METTL24: variants seen among roughly 807,000 people sequenced by gnomAD.
The protein encoded by METTL24 is probable methyltransferase-like protein 24.
METTL24 carries 29 observed loss-of-function variants against 32.7 expected under a neutral mutation model. The ratio of observed to expected loss-of-function variants is 0.89; its 90% CI spans 0.66 to 1.21. METTL24 has a LOEUF of 1.21. METTL24 is among the 50% of genes most tolerant of loss of function. The pLI, the probability that METTL24 is intolerant of heterozygous loss-of-function variation, is 0.00. For missense variants in METTL24, 439 were observed against 468.1 expected, an observed-to-expected ratio of 0.94 and a Z score of 0.57; for synonymous variants, 163 against 179.5, an observed-to-expected ratio of 0.91 and a Z score of 0.73.
chr6:110,340,095 G>A (rs1331880087), intron 1 of METTL24, among the ~76,000 whole-genome samples: 1 of 152,184 alleles, frequency 6.6e-6, no homozygotes, highest in Non-Finnish European at 1.5e-5. Context: ...AAATCAATAG[G>A]AGGGAGGAAC....
intron 1 of METTL24, among the ~76,000 whole-genome samples, chr6:110,352,848 C>G (rs1173408145): frequency 6.6e-6 from 1 of 152,212 alleles, no homozygotes; most frequent in Non-Finnish European, 1.5e-5. Context: ...CTACCCTTGA[C>G]AGTCTTTGGT....
In METTL24 at chr6:110,317,717, T is replaced by C. The variant is rs148694986; in HGVS notation, c.418-2236A>G. 2.2e-3 allele frequency among the ~76,000 whole-genome samples: 329 copies of C among 152,236 alleles called. 1 individual carries two copies. Among genetic ancestry groups the C allele is most frequent in the African/African-American group, 7.7e-3 (321 of 41,538 alleles). Reference sequence around the variant, plus strand: ...AGATGTGATGTTTGCAGGACCTTGCTCATCATTCCCTCCTAATGCCATCCA... The same window carrying C: ...AGATGTGATGTTTGCAGGACCTTGCCCATCATTCCCTCCTAATGCCATCCA... On this transcript the variant is annotated intron_variant, in intron 2 of 4. Coordinates refer to ENST00000338882, the MANE Select transcript of METTL24 (RefSeq NM_001123364.3).
intron 4 of METTL24, among the ~76,000 whole-genome samples, chr6:110,264,851 T>G (rs1302765287): frequency 1.3e-5 from 2 of 151,996 alleles, no homozygotes; most frequent in African/African-American, 4.8e-5. Context: ...AAGCCATCAT[T>G]CTCAGCAAAC....
chr6:110,323,333 A>G (rs575668360), intron 1 of METTL24, among the ~76,000 whole-genome samples: 117 of 152,242 alleles, frequency 7.7e-4, no homozygotes, highest in African/African-American at 2.7e-3. Flanking sequence ...TGTTCTGGGC[A>G]TTTGTTTATC....
At chr6:110,292,239 G>A (rs1273348291) in intron 4 of METTL24, among the ~76,000 whole-genome samples, 1 of 152,206 alleles carries the variant, frequency 6.6e-6, no homozygotes, top group Non-Finnish European at 1.5e-5. Context: ...TGTGGGATAT[G>A]ACTGGGGCAA....
At chr6:110,291,250 G>C (rs1219602414) in intron 4 of METTL24, among the ~76,000 whole-genome samples, 1 of 152,006 alleles carries the variant, frequency 6.6e-6, no homozygotes, top group African/African-American at 2.4e-5. Flanking sequence ...GAAATATACT[G>C]TCTAAAAAAT....
At chr6:110,260,662 G>A (rs1383192772) in intron 4 of METTL24, among the ~76,000 whole-genome samples, 5 of 152,230 alleles carry the variant, frequency 3.3e-5, no homozygotes, top group East Asian at 1.9e-4. Flanking sequence ...ACACATAATC[G>A]TCAGATTCAC....
intron 1 of METTL24, among the ~76,000 whole-genome samples, chr6:110,352,063 A>C (rs1359789481): frequency 2.0e-5 from 3 of 152,204 alleles, no homozygotes; most frequent in Non-Finnish European, 4.4e-5. Context: ...GTTCATAACC[A>C]AAAGAATGTT....
intron 1 of METTL24, among the ~76,000 whole-genome samples, chr6:110,353,544 GTTC>G (rs943251459): frequency 7.2e-6 from 1 of 138,014 alleles, no homozygotes; most frequent in African/African-American, 2.7e-5. Context: ...AGAGGAAACA[GTTC>G]TTTTTTTTTT....
intron 4 of METTL24, among the ~76,000 whole-genome samples, chr6:110,288,844 A>G (rs1296041867): frequency 1.3e-5 from 2 of 152,138 alleles, no homozygotes; most frequent in Non-Finnish European, 2.9e-5. Context: ...CCCCTGAGAG[A>G]GCAGCCAGAG....
At chr6:110,288,215 C>A (rs1771258247) in intron 4 of METTL24, among the ~76,000 whole-genome samples, 1 of 152,120 alleles carries the variant, frequency 6.6e-6, no homozygotes, top group African/African-American at 2.4e-5. Flanking sequence ...TGTTTCTCCT[C>A]TGGTCCTGTT....
In METTL24 at chr6:110,244,732, C is replaced by A. The variant is rs187736895; in HGVS notation, c.*1214G>T. ...TGAGAATAGCATGGAGGAAACCAAC[C>A]CCATGATTCAATTACCTCTCACCAG... On this transcript the variant is annotated 3_prime_UTR_variant, in exon 5 of 5. Transcript: ENST00000338882. Among the ~76,000 whole-genome samples the A allele has an allele frequency of 1.3e-5, 2 of 152,222 alleles. No homozygotes were observed. Among genetic ancestry groups the A allele is most frequent in the Admixed American group, 1.3e-4 (2 of 15,282 alleles).
intron 1 of METTL24, among the ~76,000 whole-genome samples, chr6:110,351,398 G>C (rs1460642607): frequency 6.6e-6 from 1 of 152,126 alleles, no homozygotes; most frequent in East Asian, 1.9e-4. Flanking sequence ...TGTAGATAGA[G>C]AAATAGTTAA....
intron 1 of METTL24, among the ~76,000 whole-genome samples, chr6:110,336,696 G>A (rs963851034): frequency 6.2e-5 from 9 of 145,264 alleles, no homozygotes; most frequent in South Asian, 2.2e-4. Context: ...CTGAGATTGC[G>A]CCACTGCACT....
intron 4 of METTL24, among the ~76,000 whole-genome samples, chr6:110,290,353 C>T (rs1265969470): frequency 6.6e-6 from 1 of 152,186 alleles, no homozygotes. Context: ...TCACCACCTG[C>T]CCTAGGCAAC....
At chr6:110,357,829 GAGA>G (rs1772728623) in intron 1 of METTL24, 123 bp downstream of exon 1, 1 of 331,562 alleles carries the variant, frequency 3.0e-6, no homozygotes, top group South Asian at 1.1e-4. Flanking sequence ...ACAGGGGGAA[GAGA>G]AGAAGCGGAA....
At chr6:110,309,641 T>C (rs1442731103) in intron 3 of METTL24, among the ~76,000 whole-genome samples, 2 of 151,964 alleles carry the variant, frequency 1.3e-5, no homozygotes, top group Non-Finnish European at 2.9e-5. Flanking sequence ...CAAAAAAAGG[T>C]TGTGCAGGGA....
At chr6:110,279,456 T>C (rs896650816) in intron 4 of METTL24, among the ~76,000 whole-genome samples, 4 of 152,176 alleles carry the variant, frequency 2.6e-5, no homozygotes, top group Non-Finnish European at 4.4e-5. Flanking sequence ...ACGAACTCTC[T>C]TGAGGGTAAT....
rs17071335 is a variant in METTL24 at position 110,244,850 on chromosome 6, T to C, written c.*1096A>G. Among the ~76,000 whole-genome samples, 10,963 of 152,186 alleles carry C rather than the reference T, an allele frequency of 0.072. 580 individuals are homozygous for C. Among genetic ancestry groups the C allele is most frequent in the African/African-American group, 0.16 (6,745 of 41,482 alleles). ...CCAAACCATATTACTCATGGACTTA[T>C]AATGAAGTAATCATTAAAGGCCTTA... is the stretch of plus-strand genomic sequence containing the variant. On this transcript the variant is annotated 3_prime_UTR_variant, in exon 5 of 5. Coordinates refer to ENST00000338882, the MANE Select transcript of METTL24 (RefSeq NM_001123364.3).
Sources: allele counts gnomAD v4.1 joint callset (sites outside exome capture counted in the v4.1 genomes callset), GRCh38; gene constraint gnomAD v4.1.1; transcripts MANE v1.5; gene names NCBI Gene and HGNC (gene_info 2026-07-23, HGNC 2026-07-21).